PKN2: variants seen among roughly 807,000 people sequenced by gnomAD.
The protein encoded by PKN2 is protein kinase N2, also known as serine/threonine-protein kinase N2.
PKN2 carries 38 observed loss-of-function variants against 119.1 expected under a neutral mutation model. The observed-to-expected ratio is 0.32, with a 90% CI of 0.25 to 0.42. The LOEUF is 0.42. Among genes scored for constraint, PKN2 ranks in the 10% least tolerant of loss-of-function variants. The pLI, the probability that PKN2 is intolerant of heterozygous loss-of-function variation, is 1.00. For synonymous variants in PKN2, 390 were observed against 384.9 expected, an observed-to-expected ratio of 1.01 and a Z score of -0.15; for missense variants, 850 against 1,165.1, an observed-to-expected ratio of 0.73 and a Z score of 3.94.
chr1:88,785,647 G>A (rs1343809092), intron 7 of PKN2, among the ~76,000 whole-genome samples: 1 of 152,128 alleles, frequency 6.6e-6, no homozygotes, highest in East Asian at 1.9e-4. Flanking sequence ...TAACTGGGGG[G>A]AAAAGCATGT....
intron 3 of PKN2, among the ~76,000 whole-genome samples, chr1:88,765,795 TTTTG>T (rs1017464396): frequency 5.3e-5 from 8 of 152,284 alleles, no homozygotes; most frequent in South Asian, 4.1e-4. Flanking sequence ...GATTCCACTT[TTTTG>T]TTTGTTTGTT....
chr1:88,818,293 A>G (rs1481757318), intron 16 of PKN2, among the ~76,000 whole-genome samples: 1 of 152,206 alleles, frequency 6.6e-6, no homozygotes, highest in African/African-American at 2.4e-5. Flanking sequence ...TGCCCAAAGT[A>G]ATTTATAGAT....
intron 16 of PKN2, among the ~76,000 whole-genome samples, chr1:88,819,520 G>T (rs1374155868): frequency 6.6e-6 from 1 of 152,232 alleles, no homozygotes; most frequent in African/African-American, 2.4e-5. Context: ...AACAACAGAT[G>T]CTGGAGAGGA....
intron 1 of PKN2, among the ~76,000 whole-genome samples, chr1:88,695,370 T>G (rs1666501673): frequency 1.3e-5 from 2 of 152,220 alleles, no homozygotes; most frequent in South Asian, 4.1e-4. Context: ...GAACTATACC[T>G]GAACTTATCC....
chr1:88,832,912 A>G lies in PKN2; in HGVS notation c.2670+61A>G. ...ACTACTTTAATTTTTTATACTAAAG[A>G]AAATTTCCCAGTAGAACTTTAAAAG... On this transcript the variant is annotated intron_variant, in intron 20 of 21. Coordinates refer to ENST00000370521, the MANE Select transcript of PKN2 (RefSeq NM_006256.4). 3.2e-6 allele frequency: 4 copies of G among 1,234,188 alleles called. No individual in the cohort carries two copies. In the South Asian group the frequency reaches 5.6e-5, roughly 17 times the overall value. 76.5% of individuals were successfully genotyped at this position (1,234,188 alleles called of 1,614,324 possible). A position where few individuals can be genotyped will look rare whatever the true frequency, so the allele number is the denominator to read the frequency against.
intron 19 of PKN2, chr1:88,829,457 C>T (rs1330950450): frequency 4.9e-6 from 1 of 203,240 alleles, no homozygotes; most frequent in Non-Finnish European, 1.0e-5. Flanking sequence ...GAAGTGTTAC[C>T]TTAAAAAATG....
rs1665978553 is a variant in PKN2, at chr1:88,684,377, A to G, written c.-204A>G. On this transcript the variant is annotated 5_prime_UTR_variant, in exon 1 of 22. Coordinates refer to ENST00000370521, the MANE Select transcript of PKN2 (RefSeq NM_006256.4). ...TGAGGGCGGCGAGAGGAAGCCCGCT[A>G]CGAGTGCCCTAGCTCCCCGCCGCTC... 3 of 496,770 alleles carry G rather than the reference A, an allele frequency of 6.0e-6. No homozygotes were observed. Among genetic ancestry groups the G allele is most frequent in the Admixed American group, 8.1e-5 (2 of 24,788 alleles). 30.8% of individuals were successfully genotyped at this position (496,770 alleles called of 1,614,324 possible).
intron 2 of PKN2, among the ~76,000 whole-genome samples, chr1:88,746,371 G>C (rs1668769193): frequency 6.6e-6 from 1 of 152,024 alleles, no homozygotes; most frequent in Admixed American, 6.5e-5. Flanking sequence ...TTATATATTG[G>C]ATAAGGGGTC....
At chr1:88,713,487 T>G (rs1289286781) in intron 1 of PKN2, among the ~76,000 whole-genome samples, 1 of 152,226 alleles carries the variant, frequency 6.6e-6, no homozygotes, top group Non-Finnish European at 1.5e-5. Context: ...TGTGAGATGG[T>G]ATCTCATTGT....
intron 1 of PKN2, among the ~76,000 whole-genome samples, chr1:88,736,240 A>G (rs1437900270): frequency 6.6e-6 from 1 of 152,174 alleles, no homozygotes; most frequent in Non-Finnish European, 1.5e-5. Flanking sequence ...AAGTTCATTG[A>G]GTTTCCTTAA....
chr1:88,802,208 A>C lies in PKN2; in HGVS notation c.1282-2183A>C, dbSNP rs181178666. On this transcript the variant is annotated intron_variant, in intron 8 of 21. Coordinates refer to ENST00000370521, the MANE Select transcript of PKN2 (RefSeq NM_006256.4). ...AAATCAAGATGAGCTTTGAAGAGGA[A>C]CTTTTCTACTTTCTACATAAAACTT... is the stretch of plus-strand genomic sequence containing the variant. 1.2e-3 allele frequency among the ~76,000 whole-genome samples: 187 copies of C among 152,304 alleles called. 1 individual carries two copies. The Middle Eastern group carries it at 0.017, about 14-fold the overall frequency.
intron 15 of PKN2, among the ~76,000 whole-genome samples, chr1:88,813,131 A>G (rs1287936644): frequency 1.3e-5 from 2 of 152,202 alleles, no homozygotes; most frequent in African/African-American, 4.8e-5. Context: ...ATGATAAAAA[A>G]TTGAATACTA....
intron 1 of PKN2, among the ~76,000 whole-genome samples, chr1:88,703,959 A>G (rs1264593938): frequency 6.6e-6 from 1 of 152,140 alleles, no homozygotes; most frequent in Non-Finnish European, 1.5e-5. Context: ...AGACTTAAAA[A>G]GGCTTTTTTT....
intron 3 of PKN2, among the ~76,000 whole-genome samples, chr1:88,768,162 G>T (rs922420751): frequency 6.6e-6 from 1 of 152,142 alleles, no homozygotes; most frequent in Non-Finnish European, 1.5e-5. Context: ...CTAAAAACAG[G>T]AAATGGCATT....
At chr1:88,740,060 A>C (rs896696159) in intron 1 of PKN2, among the ~76,000 whole-genome samples, 1 of 152,206 alleles carries the variant, frequency 6.6e-6, no homozygotes, top group Admixed American at 6.5e-5. Context: ...AACTATTTAC[A>C]TACCACTTGT....
intron 6 of PKN2, among the ~76,000 whole-genome samples, chr1:88,773,452 G>T (rs1205969039): frequency 1.3e-5 from 2 of 152,048 alleles, no homozygotes; most frequent in Admixed American, 1.3e-4. Flanking sequence ...ATGTGCCACT[G>T]CACCTGGCTA....
At chr1:88,832,951 C>G in intron 20 of PKN2, 100 bp downstream of exon 20, 1 of 1,220,306 alleles carries the variant, frequency 8.2e-7, no homozygotes, top group South Asian at 1.5e-5. Flanking sequence ...TTTTTCAGTT[C>G]ATAAATGTTG....
intron 8 of PKN2, among the ~76,000 whole-genome samples, chr1:88,794,121 A>G (rs1200009937): frequency 1.3e-5 from 2 of 152,168 alleles, no homozygotes; most frequent in Non-Finnish European, 2.9e-5. Flanking sequence ...TAATCCCAGC[A>G]CTTTGGGAGG....
intron 1 of PKN2, among the ~76,000 whole-genome samples, chr1:88,728,434 CTG>C (rs1667988100): frequency 6.6e-6 from 1 of 152,030 alleles, no homozygotes; most frequent in Non-Finnish European, 1.5e-5. Context: ...TCATTCTTTG[CTG>C]TTATCAAAAT....
Sources: allele counts gnomAD v4.1 joint callset (sites outside exome capture counted in the v4.1 genomes callset), GRCh38; gene constraint gnomAD v4.1.1; transcripts MANE v1.5; gene names NCBI Gene and HGNC (gene_info 2026-07-23, HGNC 2026-07-21).